SPATA9: variants seen among roughly 807,000 people sequenced by gnomAD.
SPATA9 encodes spermatogenesis-associated protein 9.
A neutral mutation model predicts 25.5 loss-of-function variants in SPATA9; 27 were observed. The ratio of observed to expected loss-of-function variants is 1.06; its 90% confidence interval spans 0.78 to 1.46. SPATA9 has a LOEUF of 1.46. SPATA9 is among the 40% of genes most tolerant of loss of function. The probability of loss-of-function intolerance (pLI) is 0.00; values close to 1 mark genes in which losing one functional copy is unlikely to be tolerated. For synonymous variants in SPATA9, 102 were observed against 105.7 expected (o/e 0.97, Z 0.21); for missense variants, 282 against 297.5 (o/e 0.95, Z 0.38).
the SPATA9 span, among the ~76,000 whole-genome samples, chr5:95,715,503 T>C: frequency 0.048 from 7,374 of 152,172 alleles, 228 homozygotes; most frequent in Non-Finnish European, 0.072. Flanking sequence ...GGAAACTCTT[T>C]TCAAAAAATG....
the SPATA9 span, among the ~76,000 whole-genome samples, chr5:95,714,040 C>A: frequency 6.6e-6 from 1 of 152,060 alleles, no homozygotes; most frequent in African/African-American, 2.4e-5. Context: ...GATTTTATCC[C>A]TTTTCCCTAA....
chr5:95,728,978 A>C, the SPATA9 span, among the ~76,000 whole-genome samples: 2 of 152,342 alleles, frequency 1.3e-5, no homozygotes, highest in Non-Finnish European at 2.9e-5. Context: ...ATGTCACGGC[A>C]ATGTCAGGAA....
chr5:95,670,033 A>G (rs576654746), intron 3 of SPATA9, among the ~76,000 whole-genome samples: 32 of 152,238 alleles, frequency 2.1e-4, no homozygotes, highest in African/African-American at 7.2e-4. Flanking sequence ...GACCCCAACC[A>G]TCTGTGCACA....
the SPATA9 span, among the ~76,000 whole-genome samples, chr5:95,704,384 C>A: frequency 6.6e-6 from 1 of 152,018 alleles, no homozygotes; most frequent in Non-Finnish European, 1.5e-5. Context: ...AGCTGCTAGT[C>A]TAAGGAGATG....
At chr5:95,729,130 A>G in the SPATA9 span, among the ~76,000 whole-genome samples, 4 of 152,374 alleles carry the variant, frequency 2.6e-5, no homozygotes, top group East Asian at 5.8e-4. Context: ...CGAGCAGCCC[A>G]TGACACTGCT....
intron 1 of SPATA9, among the ~76,000 whole-genome samples, chr5:95,689,981 G>A (rs1211284812): frequency 6.6e-6 from 1 of 152,090 alleles, no homozygotes; most frequent in Non-Finnish European, 1.5e-5. Context: ...TTGGCACTAA[G>A]CAACAAGAAT....
At chr5:95,690,220 G>A (rs1753847404) in intron 1 of SPATA9, among the ~76,000 whole-genome samples, 3 of 152,148 alleles carry the variant, frequency 2.0e-5, no homozygotes, top group African/African-American at 7.2e-5. Context: ...GTAAAATGCT[G>A]TAATGTTAAA....
In SPATA9 at chr5:95,658,905, A is replaced by G; in HGVS notation, c.483T>C (p.Cys161=). ...SYAALIYLAV[C]VNAVLKKVKN... ...TTACCTTCTTCAGCACAGCATTAAC[A>G]CAGACTGCCTATACAATAAAAAGAG... Residue 161 remains cysteine, a synonymous_variant, in exon 5 of 5, where the codon TGT becomes TGC. Coordinates refer to ENST00000274432, the MANE Select transcript of SPATA9 (RefSeq NM_031952.4). The G allele has an allele frequency of 6.2e-7, 1 of 1,608,460 alleles. No individual in the cohort carries two copies. The highest frequency in any genetic ancestry group is 8.5e-7 in the Non-Finnish European group (1 of 1,177,944).
At chr5:95,716,455 T>G in the SPATA9 span, among the ~76,000 whole-genome samples, 1 of 152,270 alleles carries the variant, frequency 6.6e-6, no homozygotes, top group Admixed American at 6.5e-5. Flanking sequence ...TGTAGCCCCT[T>G]CATTTTGGCC....
the SPATA9 span, chr5:95,708,501 TC>T: frequency 4.3e-6 from 3 of 691,294 alleles, no homozygotes; most frequent in Non-Finnish European, 5.3e-6. Context: ...ATCTGGTTGA[TC>T]CCCCAAAGTA....
At chr5:95,691,675 T>C (rs1753897334) in intron 1 of SPATA9, among the ~76,000 whole-genome samples, 1 of 152,204 alleles carries the variant, frequency 6.6e-6, no homozygotes, top group Non-Finnish European at 1.5e-5. Flanking sequence ...TTTTCCATGT[T>C]AATGCCAATT....
chr5:95,663,853 G>A (rs866223169), intron 4 of SPATA9, 100 bp downstream of exon 4: 4 of 582,938 alleles, frequency 6.9e-6, no homozygotes, highest in Admixed American at 4.3e-5. Flanking sequence ...ACTGTGAATG[G>A]TAACATTAAA....
At chr5:95,671,030 G>T in intron 3 of SPATA9, 2 of 300,274 alleles carry the variant, frequency 6.7e-6, no homozygotes, top group Non-Finnish European at 9.8e-6. Context: ...CTCTGACCTG[G>T]GACTGTTCTC....
the SPATA9 span, among the ~76,000 whole-genome samples, chr5:95,723,026 G>T: frequency 9.9e-5 from 15 of 152,064 alleles, no homozygotes; most frequent in African/African-American, 3.6e-4. Flanking sequence ...TTCAAACAAA[G>T]AAACAAACAT....
At position 95,670,816 on chromosome 5, in the gene SPATA9, C is replaced by T. The variant is rs1166341005; in HGVS notation, c.378+4596G>A. On this transcript the variant is annotated intron_variant, in intron 3 of 4. Transcript: ENST00000274432. ...CCATTGACCTCTGCCACATCTCATACATTCCGGTTGCACCTTTGACTCTCC... is the reference window on the plus strand; with the variant it reads ...CCATTGACCTCTGCCACATCTCATATATTCCGGTTGCACCTTTGACTCTCC... The T allele has an allele frequency of 4.1e-6, 4 of 983,916 alleles. No individual in the cohort carries two copies. The African/African-American group carries it at 5.2e-5, about 13-fold the overall frequency. The allele number at this position is 983,916 out of a possible 1,614,324, so 60.9% of individuals were successfully genotyped here.
At chr5:95,674,788 C>T (rs551568760) in intron 3 of SPATA9, 2 of 456,584 alleles carry the variant, frequency 4.4e-6, no homozygotes, top group African/African-American at 4.0e-5. Context: ...ATTTTCTTCT[C>T]CTTCAACAAA....
the SPATA9 span, among the ~76,000 whole-genome samples, chr5:95,707,694 C>T: frequency 6.6e-6 from 1 of 152,120 alleles, no homozygotes; most frequent in Non-Finnish European, 1.5e-5. Flanking sequence ...TAATTGCATT[C>T]TTGGACGTGC....
chr5:95,677,801 A>T (rs1753084890), intron 2 of SPATA9, among the ~76,000 whole-genome samples: 1 of 152,072 alleles, frequency 6.6e-6, no homozygotes, highest in Non-Finnish European at 1.5e-5. Context: ...ATATTTAAAA[A>T]CTCACAAAAA....
downstream of SPATA9, chr5:95,656,539 G>C: frequency 2.4e-6 from 1 of 410,312 alleles, no homozygotes; most frequent in South Asian, 4.6e-5. Context: ...AAACCTGAAG[G>C]TTATAGGTTT....
Sources: gnomAD v4.1 joint callset for allele counts (sites outside exome capture counted in the v4.1 genomes callset) on GRCh38, gnomAD v4.1.1 for gene constraint, MANE v1.5 for transcripts, NCBI Gene and HGNC (gene_info 2026-07-23, HGNC 2026-07-21) for gene names.